MACF1: variants seen among roughly 807,000 people sequenced by gnomAD.
The protein encoded by MACF1 is microtubule-actin cross-linking factor 1.
MACF1 carries 193 observed loss-of-function variants against 854.8 expected under a neutral mutation model. That is an observed-to-expected ratio of 0.23 (90% confidence interval 0.20 to 0.25). The LOEUF (loss-of-function observed/expected upper bound fraction) is 0.25. MACF1 is among the 10% of genes least tolerant of loss of function. The pLI is 1.00. For synonymous variants in MACF1, 3,185 were observed against 3,226.7 expected, an observed-to-expected ratio of 0.99 and a Z score of 0.44; for missense variants, 7,722 against 8,929.1, an observed-to-expected ratio of 0.86 and a Z score of 5.45.
intron 54 of MACF1, 141 bp from the exon 55 acceptor site, chr1:39,380,103 T>G: frequency 1.3e-6 from 1 of 750,518 alleles, no homozygotes; most frequent in Non-Finnish European, 2.1e-6. Context: ...GGGTTAAGTA[T>G]CTTAACACCA....
At position 39,430,032 on chromosome 1, in the gene MACF1, A is replaced by G. The variant is rs1643845662; in HGVS notation, c.17094A>G (p.Thr5698=). 1.2e-6 allele frequency: 2 copies of G among 1,613,788 alleles called. No individual in the cohort carries two copies. The highest frequency in any genetic ancestry group is 1.7e-5 in the Admixed American group (1 of 59,970). The change falls in exon 65 of 101, where the codon ACA becomes ACG. Residue 5698 remains threonine (T), a synonymous_variant. Transcript: ENST00000564288. Reference sequence around the variant, plus strand: ...CAACCAGTGGAGGACAGTCTCCCACAGGGGAACAGATACCCCAGTTTCAGC... The same window carrying G: ...CAACCAGTGGAGGACAGTCTCCCACGGGGGAACAGATACCCCAGTTTCAGC... ...ELATSGGQSP[T]GEQIPQFQQR...
At chr1:39,233,025 G>A (rs1644802181) in intron 2 of MACF1, among the ~76,000 whole-genome samples, 2 of 94,258 alleles carry the variant, frequency 2.1e-5, no homozygotes, top group South Asian at 9.5e-4. Flanking sequence ...TGTTGTTGTT[G>A]TTGTTGTGTT....
At chr1:39,350,698 C>A in intron 42 of MACF1, 87 bp from the exon 43 acceptor site, 1 of 922,294 alleles carries the variant, frequency 1.1e-6, no homozygotes, top group Non-Finnish European at 1.7e-6. Flanking sequence ...GACTATATGT[C>A]ATCCTAGCCA....
Position 39,372,562 on chromosome 1 carries a change from G to A in MACF1, c.13179G>A (p.Met4393Ile). The A allele has an allele frequency of 6.2e-7, 1 of 1,613,484 alleles. No individual in the cohort carries two copies. Among genetic ancestry groups the A allele is most frequent in the South Asian group, 1.1e-5 (1 of 91,056 alleles). The change falls in exon 52 of 101, where the codon ATG becomes ATA. Residue 4393 changes from methionine (M) to isoleucine (I), a missense_variant. By Grantham distance (10) the Met-to-Ile change is conservative. This residue lies in a region of MACF1 where 2,807 missense variants were observed against 3,235.8 expected (regional missense o/e 0.87). Coordinates refer to ENST00000564288, the MANE Select transcript of MACF1 (RefSeq NM_001394062.1). ...GTACTTCTTTAGAAAATCTCATCAT[G>A]GAAATCACAGCACCTGATTCCCAAG... ...CKGTSLENLIMEITAPDSQGK... is the reference protein window; with the variant it reads ...CKGTSLENLIIEITAPDSQGK...
intron 2 of MACF1, among the ~76,000 whole-genome samples, chr1:39,194,191 C>T (rs1367565525): frequency 2.0e-5 from 3 of 152,256 alleles, no homozygotes; most frequent in South Asian, 2.1e-4. Context: ...TCTGCCCCTC[C>T]TCTTTAGTGT....
chr1:39,357,799 G>T lies in MACF1; in HGVS notation c.11849G>T (p.Ser3950Ile), dbSNP rs1280515918. 6.2e-7 allele frequency: 1 copy of T among 1,614,126 alleles called. No individual in the cohort carries two copies. Among genetic ancestry groups the T allele is most frequent in the Admixed American group, 1.7e-5 (1 of 60,012 alleles). The change falls in exon 45 of 101, where the codon AGT becomes ATT. Residue 3950 changes from serine (S) to isoleucine (I), a missense_variant. Ser to Ile is a moderately radical substitution (Grantham distance 142). Coordinates refer to ENST00000564288, the MANE Select transcript of MACF1 (RefSeq NM_001394062.1). ...CAGAAAGTCTTGGACATGGAAAACA[G>T]TTTTAAGGAAGGCAAAGAACCATCA... ...SGQKVLDMEN[S>I]FKEGKEPSEI...
chr1:39,350,677 A>T, intron 42 of MACF1, 108 bp from the exon 43 acceptor site: 1 of 699,348 alleles, frequency 1.4e-6, no homozygotes, highest in Non-Finnish European at 2.4e-6. Context: ...GTAGTTAGGG[A>T]CTATATACAG....
At chr1:39,403,172 C>CA (rs1169963435) in intron 58 of MACF1, among the ~76,000 whole-genome samples, 4 of 151,964 alleles carry the variant, frequency 2.6e-5, no homozygotes, top group Non-Finnish European at 5.9e-5. Flanking sequence ...GATCTTGGCT[C>CA]ACTGCAGTCT....
In MACF1 at chr1:39,388,306, T is replaced by A. The variant is rs1641879073; in HGVS notation, c.15464T>A (p.Leu5155His). The change falls in exon 58 of 101, where the codon CTC (leucine) becomes CAC (histidine). Residue 5155 changes from leucine (L) to histidine (H), a missense_variant. This residue lies in a region of MACF1 where 2,807 missense variants were observed against 3,235.8 expected (regional missense o/e 0.87). Transcript: ENST00000564288. ...GCTATTGGCAGAGACACTGATAGCC[T>A]CCAGTCCCAAATCGAGGATGTCCGG... The part of the protein sequence containing the change: ...MGAIGRDTDS[L>H]QSQIEDVRLF... The A allele has an allele frequency of 2.5e-6, 4 of 1,614,076 alleles. No homozygotes were observed.
chr1:39,427,340 A>T lies in MACF1; in HGVS notation c.16317-115A>T. The T allele has an allele frequency of 1.2e-6, 1 of 827,548 alleles. No homozygotes were observed. Among genetic ancestry groups the T allele is most frequent in the Non-Finnish European group, 1.9e-6 (1 of 519,984 alleles). 51.3% of individuals were successfully genotyped at this position (827,548 alleles called of 1,614,324 possible). On this transcript the variant is annotated intron_variant, in intron 61 of 100. Coordinates refer to ENST00000564288, the MANE Select transcript of MACF1 (RefSeq NM_001394062.1). ...ATGCTACATAACGTGTGTTCTGTTTACTATTGGTATTTAAACTATACCTGG... is the reference window on the plus strand; with the variant it reads ...ATGCTACATAACGTGTGTTCTGTTTTCTATTGGTATTTAAACTATACCTGG...
Position 39,317,421 on chromosome 1 carries a change from C to G in MACF1, c.3782+14C>G, listed in dbSNP as rs1324170594. 3 of 1,609,686 alleles carry G rather than the reference C, an allele frequency of 1.9e-6. No homozygotes were observed. The highest frequency in any genetic ancestry group is 2.5e-6 in the Non-Finnish European group (3 of 1,178,820). On this transcript the variant is annotated intron_variant, in intron 29 of 100. Coordinates refer to ENST00000564288, the MANE Select transcript of MACF1 (RefSeq NM_001394062.1). ...GCTCGAGATTCGGTGAGTGGTGGCC[C>G]CACCTTTTTCTCCTATTAGAGTTCA...
At chr1:39,279,686 T>C (rs1054985007) in intron 6 of MACF1, among the ~76,000 whole-genome samples, 2 of 152,184 alleles carry the variant, frequency 1.3e-5, no homozygotes, top group Admixed American at 6.5e-5. Flanking sequence ...ACTATCTACA[T>C]CATCTTATTT....
intron 59 of MACF1, 67 bp downstream of exon 59, chr1:39,422,602 A>C: frequency 6.5e-7 from 1 of 1,548,508 alleles, no homozygotes; most frequent in East Asian, 2.3e-5. Flanking sequence ...TCTGAATCTA[A>C]GGTTTCCCGA....
chr1:39,134,363 A>G (rs990162409), intron 2 of MACF1, among the ~76,000 whole-genome samples: 3 of 152,114 alleles, frequency 2.0e-5, no homozygotes, highest in Admixed American at 6.6e-5. Flanking sequence ...CAGTCTTAAC[A>G]AGAATAAGTG....
At chr1:39,107,333 T>C (rs1219545292) in intron 2 of MACF1, among the ~76,000 whole-genome samples, 1 of 152,090 alleles carries the variant, frequency 6.6e-6, no homozygotes, top group Non-Finnish European at 1.5e-5. Flanking sequence ...GTTCAGTTTT[T>C]TTTTTTTAGC....
In MACF1 at chr1:39,372,699, A is replaced by G. The variant is rs978530988; in HGVS notation, c.13213+103A>G. Reference sequence around the variant, plus strand: ...ATTAAAGTGAAAATCAAGGTTGGATATGAAAACAAAGGGCATGCCCAAAGC... The same window carrying G: ...ATTAAAGTGAAAATCAAGGTTGGATGTGAAAACAAAGGGCATGCCCAAAGC... On this transcript the variant is annotated intron_variant, in intron 52 of 100. Coordinates refer to ENST00000564288, the MANE Select transcript of MACF1 (RefSeq NM_001394062.1). The G allele has an allele frequency of 6.1e-6, 5 of 819,506 alleles. No homozygotes were observed. In the Admixed American group the frequency reaches 1.0e-4, roughly 17 times the overall value. 50.8% of individuals were successfully genotyped at this position (819,506 alleles called of 1,614,324 possible).
At chr1:39,295,372 G>T in intron 19 of MACF1, among the ~76,000 whole-genome samples, 1 of 152,294 alleles carries the variant, frequency 6.6e-6, no homozygotes, top group South Asian at 2.1e-4. Context: ...AATAGAAGGG[G>T]CATTGGCTCA....
In MACF1 at chr1:39,340,791, A is replaced by C. The variant is rs1418343248; in HGVS notation, c.10432-13A>C. The C allele has an allele frequency of 8.1e-6, 13 of 1,612,000 alleles. No individual in the cohort carries two copies. The Admixed American group carries it at 1.7e-4, about 21-fold the overall frequency. On this transcript the variant is annotated splice_polypyrimidine_tract_variant and intron_variant, in intron 39 of 100. Transcript: ENST00000564288. Reference sequence around the variant, plus strand: ...GGAGATTTTCATAATGTGATTTTCCATTTATTTCTTAGACTAAAGTGTTAA... The same window carrying C: ...GGAGATTTTCATAATGTGATTTTCCCTTTATTTCTTAGACTAAAGTGTTAA...
At chr1:39,408,854 C>T (rs1642833671) in intron 58 of MACF1, among the ~76,000 whole-genome samples, 1 of 151,972 alleles carries the variant, frequency 6.6e-6, no homozygotes, top group African/African-American at 2.4e-5. Context: ...CCCGCAGAAG[C>T]CCCTCCTTCG....
Sources: gnomAD v4.1 joint callset for allele counts (sites outside exome capture counted in the v4.1 genomes callset) on GRCh38, gnomAD v4.1.1 for gene constraint, gnomAD v4.1.1 regional missense constraint, MANE v1.5 for transcripts, NCBI Gene and HGNC (gene_info 2026-07-23, HGNC 2026-07-21) for gene names.